Variants in ZNF644 observed in about 807,000 individuals in gnomAD.
ZNF644 encodes zinc finger motif enhancer binding protein 2.
A neutral mutation model predicts 108.0 loss-of-function variants in ZNF644; 20 were observed. The observed-to-expected ratio is 0.19, with a 90% CI of 0.13 to 0.27. The LOEUF (loss-of-function observed/expected upper bound fraction) is 0.27. ZNF644 is among the 10% of genes least tolerant of loss of function. The pLI, the probability that ZNF644 is intolerant of heterozygous loss-of-function variation, is 1.00. For missense variants in ZNF644, 1,338 were observed against 1,548.9 expected, an observed-to-expected ratio of 0.86 and a Z score of 2.29; for synonymous variants, 542 against 539.1, an observed-to-expected ratio of 1.01 and a Z score of -0.08.
At chr1:90,927,611 C>T (rs1467098931) in intron 4 of ZNF644, among the ~76,000 whole-genome samples, 1 of 152,084 alleles carries the variant, frequency 6.6e-6, no homozygotes, top group East Asian at 1.9e-4. Context: ...CGTTACCTTG[C>T]TAATCACTTA....
chr1:91,000,193 A>G (rs916806647), intron 1 of ZNF644, among the ~76,000 whole-genome samples: 2 of 152,214 alleles, frequency 1.3e-5, no homozygotes, highest in Non-Finnish European at 2.9e-5. Flanking sequence ...CGGACCTAAC[A>G]GACATCTACA....
At chr1:90,941,383 G>C in intron 2 of ZNF644, 74 bp from the exon 3 acceptor site, 1 of 1,341,958 alleles carries the variant, frequency 7.5e-7, no homozygotes, top group Non-Finnish European at 1.0e-6. Flanking sequence ...AGAGTTGAAA[G>C]TACATATTTT....
At chr1:90,921,218 G>C (rs577216488) in intron 4 of ZNF644, among the ~76,000 whole-genome samples, 1 of 152,016 alleles carries the variant, frequency 6.6e-6, no homozygotes, top group East Asian at 1.9e-4. Context: ...ACTGTACCAG[G>C]AGCCACTAGA....
At chr1:90,950,987 C>T (rs1027489659) in intron 2 of ZNF644, among the ~76,000 whole-genome samples, 1 of 152,200 alleles carries the variant, frequency 6.6e-6, no homozygotes, top group East Asian at 1.9e-4. Flanking sequence ...TAGCAGCCTT[C>T]CTCATCTATA....
intron 2 of ZNF644, among the ~76,000 whole-genome samples, chr1:90,981,824 T>C (rs1046161257): frequency 6.6e-6 from 1 of 152,098 alleles, no homozygotes; most frequent in African/African-American, 2.4e-5. Flanking sequence ...TTTTGAATAC[T>C]ATATTAACAG....
At chr1:90,994,566 A>C (rs1401084792) in intron 1 of ZNF644, among the ~76,000 whole-genome samples, 1 of 152,194 alleles carries the variant, frequency 6.6e-6, no homozygotes, top group Non-Finnish European at 1.5e-5. Context: ...TTGAGGAAAA[A>C]GTAGGCAGAA....
In ZNF644 at chr1:90,940,999, G is replaced by C. The variant is rs368180209; in HGVS notation, c.355C>G (p.Pro119Ala). Residue 119 changes from proline (P) to alanine (A), a missense_variant, in exon 3 of 6, where the codon CCA becomes GCA. Physicochemically the swap from Pro to Ala is conservative, Grantham distance 27 (BLOSUM62 -1). Coordinates refer to ENST00000337393, the MANE Select transcript of ZNF644 (RefSeq NM_201269.3). ...ILPKGAAVNG[P>A]VSHSSLTKTS... is the part of the protein sequence containing the mutation. ...TTAGTTAAGGAGGAGTGTGAAACTG[G>C]TCCATTAACAGCAGCTCCTTTAGGC... 299 of 1,613,948 alleles carry C rather than the reference G, an allele frequency of 1.9e-4. No homozygotes were observed. The highest frequency in any genetic ancestry group is 2.4e-4 in the Non-Finnish European group (289 of 1,179,974).
At chr1:91,017,957 G>A (rs1451954495) in intron 1 of ZNF644, among the ~76,000 whole-genome samples, 2 of 152,048 alleles carry the variant, frequency 1.3e-5, no homozygotes, top group Admixed American at 6.6e-5. Flanking sequence ...CCGAGACTCC[G>A]TCCCCCAACC....
Position 90,915,524 on chromosome 1 carries a change from A to G in ZNF644, c.*1274T>C, listed in dbSNP as rs1263108630. On this transcript the variant is annotated 3_prime_UTR_variant, in exon 6 of 6. Coordinates refer to ENST00000337393, the MANE Select transcript of ZNF644 (RefSeq NM_201269.3). ...ATGAAATAAAATGGTGCTTGCATAC[A>G]AAAACTTGTTGTTTGTAAAGGAATC... The G allele has an allele frequency of 6.6e-6, 1 of 152,622 alleles. No individual in the cohort carries two copies. Among genetic ancestry groups the G allele is most frequent in the Non-Finnish European group, 1.5e-5 (1 of 68,000 alleles). 9.5% of individuals were successfully genotyped at this position (152,622 alleles called of 1,614,324 possible).
At position 90,916,849 on chromosome 1, in the gene ZNF644, G is replaced by A. The variant is rs114618312; in HGVS notation, c.3933C>T (p.Ala1311=). 271 of 1,614,170 alleles carry A rather than the reference G, an allele frequency of 1.7e-4. 1 individual carries two copies. The African/African-American group carries it at 2.8e-3, about 17-fold the overall frequency. The change falls in exon 6 of 6, where the codon GCC becomes GCT. Residue 1311 remains alanine (A), a synonymous_variant. Coordinates refer to ENST00000337393, the MANE Select transcript of ZNF644 (RefSeq NM_201269.3). ...VEVTSLLKKP[A]SITETSFSLL... ...GAGAAAATGAAGTTTCTGTAATGGAGGCAGGCTTTTTAAGTAGTGACGTGA... is the reference window on the plus strand; with the variant it reads ...GAGAAAATGAAGTTTCTGTAATGGAAGCAGGCTTTTTAAGTAGTGACGTGA...
At chr1:91,018,106 CAG>C (rs1437426129) in intron 1 of ZNF644, among the ~76,000 whole-genome samples, 1 of 152,160 alleles carries the variant, frequency 6.6e-6, no homozygotes, top group Non-Finnish European at 1.5e-5. Flanking sequence ...TGAAGAAAGA[CAG>C]AATTTAATTT....
intron 2 of ZNF644, among the ~76,000 whole-genome samples, chr1:90,959,442 G>A (rs1256889126): frequency 2.6e-5 from 4 of 152,096 alleles, no homozygotes; most frequent in African/African-American, 4.8e-5. Flanking sequence ...AGAAAAACTT[G>A]TACACATATG....
intron 1 of ZNF644, among the ~76,000 whole-genome samples, chr1:90,992,398 A>C (rs79737088): frequency 8.1e-6 from 1 of 123,878 alleles, no homozygotes; most frequent in Non-Finnish European, 1.8e-5. Flanking sequence ...ATTTATAACC[A>C]AAAAAAAAAA....
intron 4 of ZNF644, chr1:90,935,650 G>T: frequency 1.5e-6 from 1 of 650,102 alleles, no homozygotes; most frequent in Non-Finnish European, 1.9e-6. Flanking sequence ...AATGAAATAG[G>T]TTAACTTAAA....
At chr1:91,009,234 T>C (rs931849954) in intron 1 of ZNF644, among the ~76,000 whole-genome samples, 1 of 152,204 alleles carries the variant, frequency 6.6e-6, no homozygotes, top group African/African-American at 2.4e-5. Flanking sequence ...ACTGTGAGAA[T>C]GTTTAAAATG....
At chr1:90,989,056 AAAG>A (rs1657387245) in intron 1 of ZNF644, among the ~76,000 whole-genome samples, 1 of 152,224 alleles carries the variant, frequency 6.6e-6, no homozygotes, top group African/African-American at 2.4e-5. Context: ...CTGTACATCA[AAAG>A]AAGTAATCAA....
At chr1:90,937,410 CAT>C (rs1167215279) in intron 4 of ZNF644, 73 bp downstream of exon 4, 62 of 1,593,752 alleles carry the variant, frequency 3.9e-5, no homozygotes, top group Middle Eastern at 1.7e-4. Flanking sequence ...GTATTTTCCA[CAT>C]AGATTCCATT....
At chr1:90,999,811 C>A (rs1557649425) in intron 1 of ZNF644, among the ~76,000 whole-genome samples, 1 of 151,972 alleles carries the variant, frequency 6.6e-6, no homozygotes, top group African/African-American at 2.4e-5. Flanking sequence ...TGCACAGACA[C>A]AAATAGGCTC....
At chr1:90,965,311 G>C (rs1405849944) in intron 2 of ZNF644, among the ~76,000 whole-genome samples, 1 of 152,106 alleles carries the variant, frequency 6.6e-6, no homozygotes, top group Admixed American at 6.5e-5. Flanking sequence ...GGCCTGTAGA[G>C]AGCCATCTTT....
Sources: gnomAD v4.1 joint callset for allele counts (sites outside exome capture counted in the v4.1 genomes callset) on GRCh38, gnomAD v4.1.1 for gene constraint, MANE v1.5 for transcripts, NCBI Gene and HGNC (gene_info 2026-07-23, HGNC 2026-07-21) for gene names.